PDZD4: variants seen among roughly 807,000 people sequenced by gnomAD.
PDZD4 encodes PDZ domain-containing protein 4.
Under a neutral mutation model 38.5 loss-of-function variants are expected in PDZD4, and 9 were observed. The ratio of observed to expected loss-of-function variants is 0.23; its 90% CI spans 0.14 to 0.41. The LOEUF (loss-of-function observed/expected upper bound fraction) is 0.41. PDZD4 is among the 10% of genes least tolerant of loss of function. The pLI, the probability that PDZD4 is intolerant of heterozygous loss-of-function variation, is 1.00. For missense variants in PDZD4, 612 were observed against 722.0 expected (o/e 0.85, Z 1.75); for synonymous variants, 349 against 315.7 (o/e 1.11, Z -1.12).
At chrX:153,829,766 G>C in intron 1 of PDZD4, 1 of 755,736 alleles carries the variant, frequency 1.3e-6, no homozygotes, top group Non-Finnish European at 1.6e-6. Context: ...CCCATCGTTC[G>C]GGCAGGGCCA....
At chrX:153,806,901 G>T in intron 3 of PDZD4, 61 bp from the exon 4 acceptor site, 1 of 999,042 alleles carries the variant, frequency 1.0e-6, no homozygotes, top group South Asian at 2.0e-5. Flanking sequence ...GTGAGTGAGG[G>T]AGCAGGCAGC....
chrX:153,808,269 C>T (rs1276337328), intron 2 of PDZD4, 73 bp downstream of exon 2: 8 of 1,121,073 alleles, frequency 7.1e-6, no homozygotes, highest in African/African-American at 1.8e-5. Flanking sequence ...GAGAGGGTGG[C>T]GTGCGGATGG....
rs2092186002 is a variant in PDZD4 at position 153,803,265 on chromosome X, A to G, written c.*88T>C. 2 of 720,094 alleles carry G rather than the reference A, an allele frequency of 2.8e-6. No individual in the cohort carries two copies. Among genetic ancestry groups the G allele is most frequent in the Admixed American group, 4.6e-5 (1 of 21,891 alleles). The allele number at this position is 720,094 out of a possible 1,213,427, so 59.3% of individuals were successfully genotyped here. A position where few individuals can be genotyped will look rare whatever the true frequency, so the allele number is the denominator to read the frequency against. On this transcript the variant is annotated 3_prime_UTR_variant, in exon 8 of 8. Coordinates refer to ENST00000393758, the MANE Select transcript of PDZD4 (RefSeq NM_001303512.2). ...GCACAGCGAGCACGCGCGCGCGCAC[A>G]CACACACACACACAATCTCTATAGG...
chrX:153,814,234 G>A (rs1313085328), intron 1 of PDZD4, among the ~76,000 whole-genome samples: 2 of 111,615 alleles, frequency 1.8e-5, no homozygotes, highest in African/African-American at 6.5e-5. Flanking sequence ...AGCACTTTGG[G>A]AGGCCAAGGC....
At position 153,821,371 on chromosome X, in the gene PDZD4, C is replaced by T. The variant is rs185848536; in HGVS notation, c.60+8868G>A. Among the ~76,000 whole-genome samples, 43 of 110,610 alleles carry T rather than the reference C, an allele frequency of 3.9e-4. No individual in the cohort carries two copies. In the East Asian group the frequency reaches 0.012, roughly 31 times the overall value. On this transcript the variant is annotated intron_variant, in intron 1 of 7. Coordinates refer to ENST00000393758, the MANE Select transcript of PDZD4 (RefSeq NM_001303512.2). Reference sequence around the variant, plus strand: ...CAAGTTATGTCCTGTAAAGCCCTCACGTAGGCAACGACTCCTGGATGTTCT... The same window carrying T: ...CAAGTTATGTCCTGTAAAGCCCTCATGTAGGCAACGACTCCTGGATGTTCT...
In PDZD4 at chrX:153,803,836, C is replaced by T; in HGVS notation, c.1845G>A (p.Val615=). Reference sequence around the variant, plus strand: ...CAGTGGCCGCGGCCGCCACCCCGCCCACCCGAGGGCCACCGGCCAAGCTCA... The same window carrying T: ...CAGTGGCCGCGGCCGCCACCCCGCCTACCCGAGGGCCACCGGCCAAGCTCA... The part of the protein sequence containing the change: ...GPLSLAGGPR[V]GGVAAAATEA... Residue 615 remains valine (V), a synonymous_variant, in exon 8 of 8, where the codon GTG becomes GTA. Transcript: ENST00000393758. 1.7e-6 allele frequency: 2 copies of T among 1,193,737 alleles called. No homozygotes were observed. The highest frequency in any genetic ancestry group is 3.0e-5 in the East Asian group (1 of 33,448).
chrX:153,811,530 C>T (rs1009535036), intron 1 of PDZD4, among the ~76,000 whole-genome samples: 14 of 112,199 alleles, frequency 1.2e-4, no homozygotes, highest in African/African-American at 4.5e-4. Context: ...ACCAGTGGAC[C>T]ATCATGTTCA....
chrX:153,808,676 C>T, intron 1 of PDZD4, 81 bp from the exon 2 acceptor site: 6 of 1,043,679 alleles, frequency 5.7e-6, no homozygotes, highest in South Asian at 2.5e-5. Flanking sequence ...CCCTAGCTGG[C>T]AGGACCTGGG....
chrX:153,819,217 CA>C (rs1351884643), intron 1 of PDZD4, among the ~76,000 whole-genome samples: 1 of 113,165 alleles, frequency 8.8e-6, no homozygotes, highest in Non-Finnish European at 1.9e-5. Context: ...CCCGCCCCGC[CA>C]ACCCCGTCGG....
chrX:153,825,495 C>A (rs147254766), intron 1 of PDZD4, among the ~76,000 whole-genome samples: 1 of 112,389 alleles, frequency 8.9e-6, no homozygotes, highest in East Asian at 2.8e-4. Context: ...TCTGGGCAAC[C>A]AGCCTGCTTC....
chrX:153,820,801 T>G (rs190450558), intron 1 of PDZD4, among the ~76,000 whole-genome samples: 4 of 111,506 alleles, frequency 3.6e-5, no homozygotes, highest in Admixed American at 9.5e-5. Flanking sequence ...GCCCTGCATC[T>G]GGCGGCTGGC....
chrX:153,817,325 TATACTC>T (rs1711630291), intron 1 of PDZD4, among the ~76,000 whole-genome samples: 1 of 112,144 alleles, frequency 8.9e-6, no homozygotes, highest in African/African-American at 3.2e-5. Context: ...AAAGAAAACT[TATACTC>T]AAATGCTCAC....
intron 1 of PDZD4, among the ~76,000 whole-genome samples, chrX:153,813,601 CAG>C (rs1308744870): frequency 8.9e-6 from 1 of 112,549 alleles, no homozygotes; most frequent in African/African-American, 3.2e-5. Context: ...GAAAACACGG[CAG>C]AGAGGCGAGC....
intron 1 of PDZD4, among the ~76,000 whole-genome samples, chrX:153,820,538 C>G (rs1228959908): frequency 1.8e-5 from 2 of 109,985 alleles, no homozygotes; most frequent in East Asian, 5.7e-4. Context: ...AACAAACAAA[C>G]AAAAAATCTA....
chrX:153,817,055 C>T (rs1184924327), intron 1 of PDZD4, among the ~76,000 whole-genome samples: 3 of 111,181 alleles, frequency 2.7e-5, no homozygotes, highest in Admixed American at 1.9e-4. Context: ...AGTGAGATAC[C>T]GCCGCACACC....
intron 1 of PDZD4, among the ~76,000 whole-genome samples, chrX:153,827,156 C>A (rs2064490809): frequency 8.9e-6 from 1 of 112,120 alleles, no homozygotes; most frequent in African/African-American, 3.2e-5. Flanking sequence ...CCACAAATGG[C>A]CAACAAGCAC....
rs782050881 is a variant in PDZD4, at chrX:153,830,379, G to A, written c.-81C>T. On this transcript the variant is annotated 5_prime_UTR_variant, in exon 1 of 8. Transcript: ENST00000393758. Reference sequence around the variant, plus strand: ...ACCCGGGCGCGGGACCTCGGGTCCCGGGCCGGGGCCAGGGGCCATACCCTG... The same window carrying A: ...ACCCGGGCGCGGGACCTCGGGTCCCAGGCCGGGGCCAGGGGCCATACCCTG... 22 of 970,879 alleles carry A rather than the reference G, an allele frequency of 2.3e-5. No homozygotes were observed. The highest frequency in any genetic ancestry group is 1.9e-5 in the Non-Finnish European group (13 of 691,773). 80.0% of individuals were successfully genotyped at this position (970,879 alleles called of 1,213,427 possible).
At chrX:153,807,864 G>A (rs58306331) in intron 2 of PDZD4, 164,559 of 976,464 alleles carry the variant, frequency 0.17, 12,725 homozygotes, top group East Asian at 0.63. Flanking sequence ...CCCGCAGCCC[G>A]GGCTAAGATT....
At chrX:153,809,351 C>T (rs1320966050) in intron 1 of PDZD4, among the ~76,000 whole-genome samples, 4 of 112,693 alleles carry the variant, frequency 3.5e-5, no homozygotes, top group African/African-American at 1.3e-4. Flanking sequence ...CTTTGGGAGG[C>T]CTAGGCGGGC....
Sources: gnomAD v4.1 joint callset for allele counts (sites outside exome capture counted in the v4.1 genomes callset) on GRCh38, gnomAD v4.1.1 for gene constraint, MANE v1.5 for transcripts, NCBI Gene and HGNC (gene_info 2026-07-23, HGNC 2026-07-21) for gene names.